Variants in PLAGL1 observed in about 807,000 individuals in gnomAD.
PLAGL1 encodes the protein zinc finger protein PLAGL1.
A neutral mutation model predicts 4.6 loss-of-function variants in PLAGL1; 1 was observed. The ratio of observed to expected loss-of-function variants is 0.22; its 90% CI spans 0.08 to 1.03. The LOEUF is 1.03. Ranked by LOEUF, PLAGL1 falls within the 50% of genes least tolerant of loss-of-function variation. The pLI is 0.58. For missense variants in PLAGL1, 464 were observed against 570.4 expected, an observed-to-expected ratio of 0.81 and a Z score of 1.90; for synonymous variants, 240 against 237.8, an observed-to-expected ratio of 1.01 and a Z score of -0.08.
intron 1 of PLAGL1, among the ~76,000 whole-genome samples, chr6:144,042,508 C>G (rs1797820917): frequency 6.6e-6 from 1 of 152,036 alleles, no homozygotes; most frequent in South Asian, 2.1e-4. Context: ...ATTTCTGAGG[C>G]CTCTGTTCTG....
rs372291013 is a variant in PLAGL1, at chr6:144,013,743, G to A, written c.-150-44765C>T. ...CATCTTCACAACGCCTTCTCTGTGC[G>A]TGCCATGTGCTTTCTCCTGTGTGTA... is the stretch of plus-strand genomic sequence containing the variant. On this transcript the variant is annotated intron_variant, in intron 1 of 3. Transcript: ENST00000437412. The surrounding 1 kb of genome is among the most constrained non-coding windows in gnomAD (Gnocchi z 4.4). 4.6e-5 allele frequency among the ~76,000 whole-genome samples: 7 copies of A among 152,208 alleles called. No homozygotes were observed. The highest frequency in any genetic ancestry group is 1.0e-4 in the Non-Finnish European group (7 of 68,038).
chr6:144,050,821 T>C lies in PLAGL1; in HGVS notation c.-151+13647A>G, dbSNP rs1316136612. 6.6e-6 allele frequency among the ~76,000 whole-genome samples: 1 copy of C among 152,188 alleles called. No individual in the cohort carries two copies. The highest frequency in any genetic ancestry group is 1.5e-5 in the Non-Finnish European group (1 of 68,046). ...CTGAGGTGGCAGGATCACTTGAGTC[T>C]GTGAGTTTCAGGCTGTAGTAAACTA... On this transcript the variant is annotated intron_variant, in intron 1 of 3. Coordinates refer to the PLAGL1 transcript ENST00000437412. This position sits in a 1 kb window ranked among gnomAD's most constrained non-coding sequence, Gnocchi z 4.3.
intron 1 of PLAGL1, chr6:144,007,829 C>G (rs1184574049): frequency 6.6e-6 from 1 of 152,198 alleles, no homozygotes; most frequent in Non-Finnish European, 1.5e-5. Flanking sequence ...CTGTGGACCT[C>G]ATACCAGATA....
chr6:144,018,419 C>T (rs952246519), intron 1 of PLAGL1, among the ~76,000 whole-genome samples: 2 of 152,098 alleles, frequency 1.3e-5, no homozygotes, highest in Non-Finnish European at 2.9e-5. Flanking sequence ...TCAAAGGACA[C>T]AAAGTTTCAG....
chr6:144,025,998 G>C (rs1796315381), intron 1 of PLAGL1, among the ~76,000 whole-genome samples: 1 of 152,134 alleles, frequency 6.6e-6, no homozygotes, highest in African/African-American at 2.4e-5. Context: ...CGAATACTAA[G>C]TAACAACTAA....
chr6:143,946,757 T>C (rs766047867), intron 7 of PLAGL1, among the ~76,000 whole-genome samples: 1 of 152,226 alleles, frequency 6.6e-6, no homozygotes, highest in Non-Finnish European at 1.5e-5. Flanking sequence ...TCCAGGCGTT[T>C]GTATGTGAAC....
Position 143,973,476 on chromosome 6 carries a change from C to T in PLAGL1, c.-543-4498G>A, listed in dbSNP as rs1484111303. The stretch of plus-strand genomic sequence containing the variant: ...TCCAAGGTCAGAGGGAGAAAACAAG[C>T]ACGGGGGGAAGTCCTCTGCTTCTAG... On this transcript the variant is annotated intron_variant, in intron 2 of 7. Coordinates refer to ENST00000674357, the MANE Select transcript of PLAGL1 (RefSeq NM_001317162.2). The surrounding 1 kb of genome is among the most constrained non-coding windows in gnomAD (Gnocchi z 6.2). Among the ~76,000 whole-genome samples the T allele has an allele frequency of 6.6e-6, 1 of 152,164 alleles. No homozygotes were observed. Among genetic ancestry groups the T allele is most frequent in the African/African-American group, 2.4e-5 (1 of 41,422 alleles).
Position 144,063,095 on chromosome 6 carries a change from T to C in PLAGL1, c.-151+1373A>G, listed in dbSNP as rs551096578. On this transcript the variant is annotated intron_variant, in intron 1 of 3. Coordinates refer to the PLAGL1 transcript ENST00000437412. The surrounding 1 kb of genome is among the most constrained non-coding windows in gnomAD (Gnocchi z 5.7). ...GATCACCTGAAAACCAGCCCTCCTT[T>C]CCTTCCCGTGGCAAGGGTATCCTGC... 6.6e-6 allele frequency among the ~76,000 whole-genome samples: 1 copy of C among 152,242 alleles called. No homozygotes were observed. Among genetic ancestry groups the C allele is most frequent in the East Asian group, 1.9e-4 (1 of 5,190 alleles).
At chr6:143,944,449 A>AAAAC (rs369835797) in intron 7 of PLAGL1, among the ~76,000 whole-genome samples, 32 of 152,250 alleles carry the variant, frequency 2.1e-4, no homozygotes, top group African/African-American at 6.0e-4. Context: ...CCTCTGTCAC[A>AAAAC]AAACAAACAA....
In PLAGL1 at chr6:143,940,500, C is replaced by T. The variant is rs1450048264; in HGVS notation, c.*924G>A. ...AAAGCTAATAATGACTGATGAATTA[C>T]AAATGCACTTATTTATTGGTGATTA... On this transcript the variant is annotated 3_prime_UTR_variant, in exon 8 of 8. Transcript: ENST00000674357. 14 of 152,212 alleles carry T rather than the reference C, an allele frequency of 9.2e-5. No homozygotes were observed. The highest frequency in any genetic ancestry group is 3.1e-4 in the African/African-American group (13 of 41,420). The allele number at this position is 152,212 out of a possible 1,614,324, so 9.4% of individuals were successfully genotyped here. A position where few individuals can be genotyped will look rare whatever the true frequency, so the allele number is the denominator to read the frequency against.
At position 143,959,421 on chromosome 6, in the gene PLAGL1, G is replaced by A. The variant is rs1256085589; in HGVS notation, c.-325+1048C>T. On this transcript the variant is annotated intron_variant, in intron 6 of 7. Coordinates refer to ENST00000674357, the MANE Select transcript of PLAGL1 (RefSeq NM_001317162.2). This position sits in a 1 kb window ranked among gnomAD's most constrained non-coding sequence, Gnocchi z 5.3. ...TGTAAACAGAAGATACAGGCAAGAC[G>A]CTCCCCCACCCCACCCCAACTCCCA... is the stretch of plus-strand genomic sequence containing the variant. Among the ~76,000 whole-genome samples, 5 of 152,224 alleles carry A rather than the reference G, an allele frequency of 3.3e-5. No individual in the cohort carries two copies. The highest frequency in any genetic ancestry group is 3.3e-4 in the Admixed American group (5 of 15,292).
At chr6:144,020,346 G>A (rs1795881011) in intron 1 of PLAGL1, among the ~76,000 whole-genome samples, 1 of 152,074 alleles carries the variant, frequency 6.6e-6, no homozygotes. Context: ...GGAGTGCAAT[G>A]GTGCAATCTC....
At chr6:144,026,401 C>T (rs1796344121) in intron 1 of PLAGL1, among the ~76,000 whole-genome samples, 1 of 152,110 alleles carries the variant, frequency 6.6e-6, no homozygotes, top group Non-Finnish European at 1.5e-5. Context: ...CTGCATTAAC[C>T]AACTCACAAA....
Position 143,968,445 on chromosome 6 carries a change from T to C in PLAGL1, c.-472+462A>G, listed in dbSNP as rs1784836670. 6.6e-6 allele frequency: 1 copy of C among 150,806 alleles called. No individual in the cohort carries two copies. The highest frequency in any genetic ancestry group is 2.4e-5 in the African/African-American group (1 of 41,346). The allele number at this position is 150,806 out of a possible 1,614,324, so 9.3% of individuals were successfully genotyped here. On this transcript the variant is annotated intron_variant, in intron 3 of 7. Coordinates refer to ENST00000674357, the MANE Select transcript of PLAGL1 (RefSeq NM_001317162.2). This position sits in a 1 kb window ranked among gnomAD's most constrained non-coding sequence, Gnocchi z 6.3. Reference sequence around the variant, plus strand: ...TACATTCTAGATATCTGATTCTAAATGGTGGACCCTACCTCAGTTTTTTTT... The same window carrying C: ...TACATTCTAGATATCTGATTCTAAACGGTGGACCCTACCTCAGTTTTTTTT...
rs36120645 is a variant in PLAGL1 at position 143,942,210 on chromosome 6, A to G, written c.606T>C (p.His202=). ...RFGRKDHLTR[H]TKKTHSQELM... ...GCTCCTGTGAGTGGGTCTTCTTGGTATGCCGGGTGAGGTGATCCTTGCGCC... is the reference window on the plus strand; with the variant it reads ...GCTCCTGTGAGTGGGTCTTCTTGGTGTGCCGGGTGAGGTGATCCTTGCGCC... The change falls in exon 8 of 8, where the codon CAT becomes CAC. Residue 202 remains histidine, a synonymous_variant. Coordinates refer to ENST00000674357, the MANE Select transcript of PLAGL1 (RefSeq NM_001317162.2). This position sits in a 1 kb window ranked among gnomAD's most constrained non-coding sequence, Gnocchi z 7.6. 7,012 of 1,614,100 alleles carry G rather than the reference A, an allele frequency of 4.3e-3. 280 individuals are homozygous for G. The African/African-American group carries it at 0.082, about 19-fold the overall frequency.
Position 143,979,658 on chromosome 6 carries a change from G to T in PLAGL1, c.-544+5477C>A, listed in dbSNP as rs1787469084. Among the ~76,000 whole-genome samples, 1 of 151,712 alleles carries T rather than the reference G, an allele frequency of 6.6e-6. No homozygotes were observed. Among genetic ancestry groups the T allele is most frequent in the Non-Finnish European group, 1.5e-5 (1 of 67,858 alleles). On this transcript the variant is annotated intron_variant, in intron 2 of 7. Coordinates refer to ENST00000674357, the MANE Select transcript of PLAGL1 (RefSeq NM_001317162.2). The surrounding 1 kb of genome is among the most constrained non-coding windows in gnomAD (Gnocchi z 4.6). The stretch of plus-strand genomic sequence containing the variant: ...ATTGTTGTAACTTTTGCTTTTATAT[G>T]TTATATACCCCATTTGCTATTTTTG...
At position 143,997,076 on chromosome 6, in the gene PLAGL1, G is replaced by T. The variant is rs977528450; in HGVS notation, c.-584+11014C>A. ...ATAGAAAAGTCATGAAATCATCAAG[G>T]AAATGCACATGAAAACCATGAGACC... is the stretch of plus-strand genomic sequence containing the variant. On this transcript the variant is annotated intron_variant, in intron 1 of 7. Transcript: ENST00000674357. This position sits in a 1 kb window ranked among gnomAD's most constrained non-coding sequence, Gnocchi z 4.6. Among the ~76,000 whole-genome samples, 1 of 152,096 alleles carries T rather than the reference G, an allele frequency of 6.6e-6. No individual in the cohort carries two copies. Among genetic ancestry groups the T allele is most frequent in the African/African-American group, 2.4e-5 (1 of 41,422 alleles).
chr6:144,012,292 G>A (rs1484583095), upstream of PLAGL1, among the ~76,000 whole-genome samples: 3 of 152,022 alleles, frequency 2.0e-5, no homozygotes, highest in East Asian at 1.9e-4. This position sits in a 1 kb window ranked among gnomAD's most constrained non-coding sequence, Gnocchi z 4.8. Flanking sequence ...TTGGCTCACC[G>A]CAACCTGCCT....
Position 143,941,418 on chromosome 6 carries a change from A to G in PLAGL1, c.*6T>C. The G allele has an allele frequency of 6.0e-6, 9 of 1,494,124 alleles. No homozygotes were observed. Among genetic ancestry groups the G allele is most frequent in the Non-Finnish European group, 8.0e-6 (9 of 1,121,566 alleles). 92.6% of individuals were successfully genotyped at this position (1,494,124 alleles called of 1,614,324 possible). A position where few individuals can be genotyped will look rare whatever the true frequency, so the allele number is the denominator to read the frequency against. Reference sequence around the variant, plus strand: ...CAGAATACGAAAAATACACTTTAAAAATCAATTATCTGAATGCATGATGGA... The same window carrying G: ...CAGAATACGAAAAATACACTTTAAAGATCAATTATCTGAATGCATGATGGA... On this transcript the variant is annotated 3_prime_UTR_variant, in exon 8 of 8. Transcript: ENST00000674357. The surrounding 1 kb of genome is among the most constrained non-coding windows in gnomAD (Gnocchi z 6.0).
Sources: allele counts gnomAD v4.1 joint callset (sites outside exome capture counted in the v4.1 genomes callset), GRCh38; gene constraint gnomAD v4.1.1; non-coding constraint Gnocchi (gnomAD v3.1); transcripts MANE v1.5; gene names NCBI Gene and HGNC (gene_info 2026-07-23, HGNC 2026-07-21).